LRMDA: variants seen among roughly 807,000 people sequenced by gnomAD.
The protein encoded by LRMDA is leucine rich melanocyte differentiation associated.
LRMDA carries 18 observed loss-of-function variants against 29.8 expected under a neutral mutation model. The observed-to-expected ratio is 0.60, with a 90% CI of 0.42 to 0.90. The LOEUF (loss-of-function observed/expected upper bound fraction) is 0.90, where lower values mean the gene tolerates loss of function less well. Ranked by LOEUF, LRMDA falls within the 40% of genes least tolerant of loss-of-function variation. The pLI is 0.00. For synonymous variants in LRMDA, 125 were observed against 109.4 expected (o/e 1.14, Z -0.89); for missense variants, 273 against 273.9 (o/e 1.00, Z 0.02).
chr10:76,423,214 G>A (rs1276506242), intron 6 of LRMDA, among the ~76,000 whole-genome samples: 1 of 152,068 alleles, frequency 6.6e-6, no homozygotes, highest in Admixed American at 6.5e-5. Context: ...GAGTAACATG[G>A]CAAAACCCTG....
intron 2 of LRMDA, among the ~76,000 whole-genome samples, chr10:75,821,705 C>G (rs1199692620): frequency 6.6e-6 from 1 of 151,902 alleles, no homozygotes; most frequent in African/African-American, 2.4e-5. Flanking sequence ...GGAGGCGGAG[C>G]TTGCAGTGAG....
intron 6 of LRMDA, among the ~76,000 whole-genome samples, chr10:76,480,884 G>A (rs1379285607): frequency 6.6e-6 from 1 of 151,848 alleles, no homozygotes; most frequent in Non-Finnish European, 1.5e-5. Context: ...TACCTTAAAG[G>A]TAATCATATG....
chr10:76,293,461 T>A (rs1840374642), intron 5 of LRMDA, among the ~76,000 whole-genome samples: 1 of 152,248 alleles, frequency 6.6e-6, no homozygotes, highest in African/African-American at 2.4e-5. Context: ...ACAAATGATG[T>A]CTCATGTTTG....
chr10:76,231,840 A>G (rs1291546620), intron 5 of LRMDA, among the ~76,000 whole-genome samples: 2 of 152,194 alleles, frequency 1.3e-5, no homozygotes, highest in African/African-American at 4.8e-5. Flanking sequence ...AATCTCACAC[A>G]CAGTTAGTTT....
chr10:75,765,376 C>A (rs1843150117), intron 2 of LRMDA, among the ~76,000 whole-genome samples: 1 of 152,152 alleles, frequency 6.6e-6, no homozygotes, highest in African/African-American at 2.4e-5. Flanking sequence ...GGCAGCTCAG[C>A]AGCTGGCTCT....
chr10:76,000,639 G>A (rs1298970193), intron 2 of LRMDA, among the ~76,000 whole-genome samples: 2 of 152,170 alleles, frequency 1.3e-5, no homozygotes, highest in South Asian at 2.1e-4. Flanking sequence ...GGCTGCAGGT[G>A]AGGCTTATTG....
intron 5 of LRMDA, among the ~76,000 whole-genome samples, chr10:76,173,930 G>A (rs1485783583): frequency 2.0e-5 from 3 of 152,180 alleles, no homozygotes; most frequent in South Asian, 2.1e-4. Context: ...AAAGTGCTGG[G>A]ATTACAGGTG....
At chr10:76,412,039 G>A (rs530479324) in intron 6 of LRMDA, among the ~76,000 whole-genome samples, 55 of 152,166 alleles carry the variant, frequency 3.6e-4, no homozygotes, top group Non-Finnish European at 6.9e-4. Flanking sequence ...GGTTTAGTTT[G>A]GTTTTGATGA....
chr10:75,607,512 G>A (rs1035280406), intron 2 of LRMDA, among the ~76,000 whole-genome samples: 3 of 152,160 alleles, frequency 2.0e-5, no homozygotes, highest in Non-Finnish European at 2.9e-5. Flanking sequence ...ATTTTGTAGT[G>A]CTCTAATTTA....
At chr10:75,942,997 T>C (rs1025013467) in intron 2 of LRMDA, among the ~76,000 whole-genome samples, 1 of 152,148 alleles carries the variant, frequency 6.6e-6, no homozygotes, top group Non-Finnish European at 1.5e-5. Flanking sequence ...GAGAGGCTTA[T>C]ATAAAGAAAT....
At chr10:76,312,373 G>C (rs1840640037) in intron 5 of LRMDA, among the ~76,000 whole-genome samples, 1 of 152,128 alleles carries the variant, frequency 6.6e-6, no homozygotes, top group Non-Finnish European at 1.5e-5. Context: ...CAGAGGGTCT[G>C]ATGTATTTGG....
chr10:75,720,636 C>T lies in LRMDA; in HGVS notation c.131+282142C>T, dbSNP rs1031346957. Reference sequence around the variant, plus strand: ...CATCAGCACTTAGACCACTCTTCCACTCCTTTGCTTTGAGCCCAGTCGGTG... The same window carrying T: ...CATCAGCACTTAGACCACTCTTCCATTCCTTTGCTTTGAGCCCAGTCGGTG... On this transcript the variant is annotated intron_variant, in intron 2 of 6. Coordinates refer to ENST00000611255, the MANE Select transcript of LRMDA (RefSeq NM_001305581.2). Among the ~76,000 whole-genome samples the T allele has an allele frequency of 4.5e-4, 68 of 152,246 alleles. 2 individuals are homozygous for T. Among genetic ancestry groups the T allele is most frequent in the Admixed American group, 3.9e-3 (59 of 15,284 alleles).
At position 75,729,719 on chromosome 10, in the gene LRMDA, A is replaced by G. The variant is rs78575772; in HGVS notation, c.131+291225A>G. On this transcript the variant is annotated intron_variant, in intron 2 of 6. Coordinates refer to ENST00000611255, the MANE Select transcript of LRMDA (RefSeq NM_001305581.2). ...CATGATTGAACAAGGACAGGACACT[A>G]TATGTTGACCCACACCAAACAGTGA... Among the ~76,000 whole-genome samples the G allele has an allele frequency of 1.8e-3, 269 of 152,304 alleles. 1 individual carries two copies. The highest frequency in any genetic ancestry group is 6.0e-3 in the African/African-American group (251 of 41,560).
intron 5 of LRMDA, among the ~76,000 whole-genome samples, chr10:76,085,660 C>G (rs1297377179): frequency 6.6e-6 from 1 of 152,172 alleles, no homozygotes; most frequent in African/African-American, 2.4e-5. Context: ...TGTCTCCCAG[C>G]GTCTTGCTGC....
chr10:76,425,764 C>G (rs1218315008), intron 6 of LRMDA, among the ~76,000 whole-genome samples: 6 of 149,860 alleles, frequency 4.0e-5, no homozygotes, highest in Non-Finnish European at 7.4e-5. Flanking sequence ...CCCTCCACCC[C>G]ACAACGGGCG....
At chr10:75,802,335 GCACACACACACACA>G (rs10571839) in intron 2 of LRMDA, among the ~76,000 whole-genome samples, 2 of 147,044 alleles carry the variant, frequency 1.4e-5, no homozygotes, top group Admixed American at 6.8e-5. Flanking sequence ...ACACACACGC[GCACACACACACACA>G]CACACACACA....
chr10:75,899,573 C>T (rs757839915), intron 2 of LRMDA, among the ~76,000 whole-genome samples: 6 of 152,164 alleles, frequency 3.9e-5, no homozygotes, highest in Non-Finnish European at 7.3e-5. Flanking sequence ...GGCCAGAATG[C>T]GGGGCCTGTG....
chr10:75,773,685 T>A (rs1843272913), intron 2 of LRMDA, among the ~76,000 whole-genome samples: 1 of 152,204 alleles, frequency 6.6e-6, no homozygotes, highest in Non-Finnish European at 1.5e-5. Context: ...AGCCTTTGGG[T>A]CACTGTTTAC....
intron 5 of LRMDA, among the ~76,000 whole-genome samples, chr10:76,144,287 T>A (rs1850266878): frequency 6.6e-6 from 1 of 152,232 alleles, no homozygotes; most frequent in African/African-American, 2.4e-5. Context: ...TTGGGCAGTA[T>A]GGCCATTTTC....
Sources: allele counts gnomAD v4.1 joint callset (sites outside exome capture counted in the v4.1 genomes callset), GRCh38; gene constraint gnomAD v4.1.1; transcripts MANE v1.5; gene names NCBI Gene and HGNC (gene_info 2026-07-23, HGNC 2026-07-21).